Variants in STATH observed in about 807,000 individuals in gnomAD.
STATH encodes statherin.
STATH carries 11 observed loss-of-function variants against 13.3 expected under a neutral mutation model. The observed-to-expected ratio is 0.83, with a 90% CI of 0.52 to 1.37. The LOEUF is 1.37. Ranked by LOEUF, STATH falls within the 40% of genes most tolerant of loss-of-function variation. The probability of loss-of-function intolerance (pLI) is 0.00; values close to 1 mark genes in which losing one functional copy is unlikely to be tolerated. For missense variants in STATH, 78 were observed against 73.3 expected, an observed-to-expected ratio of 1.06 and a Z score of -0.24; for synonymous variants, 25 against 23.6, an observed-to-expected ratio of 1.06 and a Z score of -0.17.
intron 4 of STATH, chr4:70,000,447 G>GT (rs1724626567): frequency 6.0e-6 from 1 of 167,008 alleles, no homozygotes; most frequent in Non-Finnish European, 1.3e-5. Context: ...TGTAGGAATC[G>GT]TAAGAGACAG....
intron 1 of STATH, among the ~76,000 whole-genome samples, chr4:69,998,020 C>T (rs1724555650): frequency 1.3e-5 from 2 of 152,096 alleles, no homozygotes; most frequent in South Asian, 4.1e-4. Flanking sequence ...ATAAACTGCT[C>T]CAGTTTTATC....
intron 5 of STATH, 55 bp downstream of exon 5, chr4:70,001,037 AAAG>A: frequency 1.6e-6 from 2 of 1,269,128 alleles, no homozygotes; most frequent in Non-Finnish European, 2.3e-6. Context: ...CTGACAGTTA[AAAG>A]AAGAAAAACA....
At chr4:69,998,672 CATT>C (rs1158494556) in intron 2 of STATH, 184 bp downstream of exon 2, 16 of 432,228 alleles carry the variant, frequency 3.7e-5, no homozygotes, top group African/African-American at 2.6e-4. Flanking sequence ...AATAAATAGT[CATT>C]ATTCATCTAC....
intron 5 of STATH, 60 bp downstream of exon 5, chr4:70,001,042 A>C: frequency 3.3e-6 from 4 of 1,227,164 alleles, no homozygotes. Context: ...AGTTAAAAGA[A>C]GAAAAACAAA....
At chr4:70,000,638 A>G (rs1157342989) in intron 4 of STATH, 1 of 462,008 alleles carries the variant, frequency 2.2e-6, no homozygotes, top group Non-Finnish European at 3.9e-6. Flanking sequence ...AAATAAAACC[A>G]CAAAACTGTG....
intron 1 of STATH, 93 bp from the exon 2 acceptor site, chr4:69,998,330 C>T (rs1724562911): frequency 8.3e-6 from 7 of 840,474 alleles, no homozygotes; most frequent in Non-Finnish European, 1.3e-5. Context: ...TGGAGTGTGT[C>T]TCCCAGTGCT....
chr4:69,999,537 A>G, intron 2 of STATH, 130 bp from the exon 3 acceptor site: 1 of 825,396 alleles, frequency 1.2e-6, no homozygotes, highest in Non-Finnish European at 1.9e-6. Context: ...AAAATAACTA[A>G]TTTAGTGTCT....
chr4:70,002,097 A>G (rs567176509), intron 5 of STATH, 92 bp from the exon 6 acceptor site: 1 of 151,866 alleles, frequency 6.6e-6, no homozygotes, highest in African/African-American at 2.4e-5. Context: ...ATAATTGTAT[A>G]TAATATCTAC....
chr4:69,998,577 T>C, intron 2 of STATH, 89 bp downstream of exon 2: 1 of 1,156,744 alleles, frequency 8.6e-7, no homozygotes, highest in Non-Finnish European at 1.2e-6. Context: ...ATATTGGTGT[T>C]TACTTGAATA....
At chr4:69,997,184 G>T (rs1344972365) in intron 1 of STATH, among the ~76,000 whole-genome samples, 1 of 151,890 alleles carries the variant, frequency 6.6e-6, no homozygotes, top group Non-Finnish European at 1.5e-5. Context: ...GACCACAGGT[G>T]ATCTGCCCAC....
At chr4:69,999,267 ATAAAAAT>A (rs953439326) in intron 2 of STATH, 22 of 165,902 alleles carry the variant, frequency 1.3e-4, no homozygotes, top group Non-Finnish European at 2.7e-4. Flanking sequence ...AAAATAAAAA[ATAAAAAT>A]GTAAGGAAAA....
chr4:69,998,347 C>G (rs752169188), intron 1 of STATH, 76 bp from the exon 2 acceptor site: 10 of 1,039,088 alleles, frequency 9.6e-6, no homozygotes, highest in Non-Finnish European at 1.5e-5. Flanking sequence ...TGCTTTGGAG[C>G]GTAGTATAAT....
chr4:70,001,720 C>T lies in STATH; in HGVS notation c.*34-469C>T, dbSNP rs186920186. ...TTGGAGATAAGGGAGGATTGTTCTA[C>T]AAAGTTAAAATAGTCCAAAGGATTT... On this transcript the variant is annotated intron_variant, in intron 5 of 5. Coordinates refer to ENST00000246895, the MANE Select transcript of STATH (RefSeq NM_003154.3). Among the ~76,000 whole-genome samples, 678 of 151,754 alleles carry T rather than the reference C, an allele frequency of 4.5e-3. 2 individuals are homozygous for T. Among genetic ancestry groups the T allele is most frequent in the Non-Finnish European group, 6.9e-3 (466 of 67,734 alleles).
At chr4:69,999,838 T>C in intron 4 of STATH, 29 bp downstream of exon 4, 1 of 1,609,390 alleles carries the variant, frequency 6.2e-7, no homozygotes, top group African/African-American at 1.3e-5. Flanking sequence ...TGCTGTGTAG[T>C]CCAAATAAAT....
chr4:70,001,006 T>G (rs928098733), intron 5 of STATH, 24 bp downstream of exon 5: 4 of 1,519,318 alleles, frequency 2.6e-6, no homozygotes, highest in Non-Finnish European at 2.7e-6. Flanking sequence ...AGTGACATTT[T>G]TTTTACTTTC....
At chr4:69,998,803 C>G (rs1724574031) in intron 2 of STATH, 1 of 189,660 alleles carries the variant, frequency 5.3e-6, no homozygotes, top group South Asian at 1.9e-4. Context: ...TCTAGACAAT[C>G]TGAAGTTAGA....
intron 1 of STATH, among the ~76,000 whole-genome samples, chr4:69,997,629 T>A (rs1049227799): frequency 3.9e-5 from 6 of 152,198 alleles, no homozygotes; most frequent in African/African-American, 1.4e-4. Flanking sequence ...TTATACTGTT[T>A]ATGATAACAT....
chr4:69,998,648 A>G (rs1444640880), intron 2 of STATH, 160 bp downstream of exon 2: 3 of 477,590 alleles, frequency 6.3e-6, no homozygotes, highest in Non-Finnish European at 1.1e-5. Flanking sequence ...TACATAAGCT[A>G]TATAAGGATT....
chr4:70,001,002 A>T lies in STATH; in HGVS notation c.*33+20A>T. The T allele has an allele frequency of 3.3e-6, 5 of 1,529,094 alleles. No homozygotes were observed. The highest frequency in any genetic ancestry group is 4.5e-6 in the Non-Finnish European group (5 of 1,104,042). 94.7% of individuals were successfully genotyped at this position (1,529,094 alleles called of 1,614,324 possible). ...ATTGAGGTAAGATGGGTTTAGTGAC[A>T]TTTTTTTTACTTTCTGTATCAGTGC... On this transcript the variant is annotated intron_variant, in intron 5 of 5. Coordinates refer to ENST00000246895, the MANE Select transcript of STATH (RefSeq NM_003154.3).
Sources: allele counts gnomAD v4.1 joint callset (sites outside exome capture counted in the v4.1 genomes callset), GRCh38; gene constraint gnomAD v4.1.1; transcripts MANE v1.5; gene names NCBI Gene and HGNC (gene_info 2026-07-23, HGNC 2026-07-21).